SPOCK3: variants seen among roughly 807,000 people sequenced by gnomAD.
The protein encoded by SPOCK3 is SPARC (osteonectin), cwcv and kazal like domains proteoglycan 3, also known as testican-3.
A neutral mutation model predicts 56.6 loss-of-function variants in SPOCK3; 30 were observed. That is an observed-to-expected ratio of 0.53 (90% confidence interval 0.40 to 0.72). SPOCK3 has a LOEUF of 0.72. SPOCK3 is among the 30% of genes least tolerant of loss of function. SPOCK3 has a pLI of 0.00. For synonymous variants in SPOCK3, 196 were observed against 183.3 expected (o/e 1.07, Z -0.56); for missense variants, 527 against 530.0 (o/e 0.99, Z 0.06).
At chr4:167,204,242 A>C (rs1311356021) in intron 2 of SPOCK3, among the ~76,000 whole-genome samples, 1 of 151,748 alleles carries the variant, frequency 6.6e-6, no homozygotes, top group Non-Finnish European at 1.5e-5. Context: ...CTGGATAGAA[A>C]CTCTCTGGAT....
At chr4:167,106,597 A>G (rs1760172979) in intron 2 of SPOCK3, among the ~76,000 whole-genome samples, 1 of 151,790 alleles carries the variant, frequency 6.6e-6, no homozygotes, top group Non-Finnish European at 1.5e-5. Context: ...TATTTAGAAA[A>G]GCAAGAGCAA....
At chr4:166,944,714 T>A (rs908173933) in intron 4 of SPOCK3, among the ~76,000 whole-genome samples, 4 of 150,188 alleles carry the variant, frequency 2.7e-5, no homozygotes, top group Non-Finnish European at 5.9e-5. Flanking sequence ...TTGTCACATC[T>A]TCTTATGTGG....
chr4:166,850,660 G>C (rs573655406), intron 6 of SPOCK3, among the ~76,000 whole-genome samples: 2 of 152,256 alleles, frequency 1.3e-5, no homozygotes, highest in African/African-American at 4.8e-5. Flanking sequence ...CTCGGGAAGC[G>C]CAAGGGGTCA....
intron 7 of SPOCK3, among the ~76,000 whole-genome samples, chr4:166,791,030 A>G (rs1741291689): frequency 6.6e-6 from 1 of 152,178 alleles, no homozygotes; most frequent in South Asian, 2.1e-4. Context: ...TTAACCAATA[A>G]ATCCAGAGAT....
intron 9 of SPOCK3, among the ~76,000 whole-genome samples, chr4:166,739,860 C>T (rs1350755373): frequency 6.6e-6 from 1 of 152,114 alleles, no homozygotes; most frequent in Non-Finnish European, 1.5e-5. Flanking sequence ...CGTAGATTAA[C>T]TTAGTTTAAA....
intron 4 of SPOCK3, among the ~76,000 whole-genome samples, chr4:166,949,635 G>A (rs1462495144): frequency 2.0e-5 from 3 of 152,108 alleles, no homozygotes; most frequent in Non-Finnish European, 2.9e-5. Context: ...GGTATCCACA[G>A]CGGTGTTTGC....
At chr4:166,766,840 C>G (rs1560833071) in intron 7 of SPOCK3, among the ~76,000 whole-genome samples, 1 of 152,128 alleles carries the variant, frequency 6.6e-6, no homozygotes, top group African/African-American at 2.4e-5. Context: ...GGTTGGTACG[C>G]TCTTAATTAT....
At chr4:166,988,002 T>G (rs1176260176) in intron 4 of SPOCK3, among the ~76,000 whole-genome samples, 1 of 152,096 alleles carries the variant, frequency 6.6e-6, no homozygotes, top group Non-Finnish European at 1.5e-5. Flanking sequence ...TATGCTTGCT[T>G]TAAAAAATAT....
chr4:166,963,817 T>C (rs1744413476), intron 4 of SPOCK3, among the ~76,000 whole-genome samples: 1 of 151,944 alleles, frequency 6.6e-6, no homozygotes, highest in South Asian at 2.1e-4. Context: ...TCAGATTTTA[T>C]TTTCTCCTGA....
chr4:167,223,789 A>C (rs147235812), intron 2 of SPOCK3, among the ~76,000 whole-genome samples: 152 of 152,260 alleles, frequency 1.0e-3, no homozygotes, highest in Non-Finnish European at 1.6e-3. Context: ...ATTCCTAAAA[A>C]ATTAAATTAA....
At chr4:167,129,729 A>G (rs1762557365) in intron 2 of SPOCK3, among the ~76,000 whole-genome samples, 1 of 152,218 alleles carries the variant, frequency 6.6e-6, no homozygotes, top group East Asian at 1.9e-4. Flanking sequence ...ACGTAAATTT[A>G]GAAGCTTGTA....
chr4:166,735,993 T>C (rs1017922135), intron 10 of SPOCK3, among the ~76,000 whole-genome samples: 1 of 152,134 alleles, frequency 6.6e-6, no homozygotes, highest in African/African-American at 2.4e-5. Flanking sequence ...CACTGTGTAT[T>C]GACTTTTCAA....
At chr4:166,909,246 A>C (rs1736984371) in intron 5 of SPOCK3, among the ~76,000 whole-genome samples, 1 of 152,066 alleles carries the variant, frequency 6.6e-6, no homozygotes, top group African/African-American at 2.4e-5. Flanking sequence ...GCTTGAACTC[A>C]AATAAAATAA....
chr4:167,002,289 T>C (rs1458422822), intron 3 of SPOCK3, among the ~76,000 whole-genome samples: 2 of 152,152 alleles, frequency 1.3e-5, no homozygotes, highest in African/African-American at 2.4e-5. Flanking sequence ...AGATATAAGC[T>C]ATAATATATA....
chr4:166,894,596 G>C (rs778239584), intron 5 of SPOCK3, among the ~76,000 whole-genome samples: 6 of 152,124 alleles, frequency 3.9e-5, no homozygotes, highest in Non-Finnish European at 5.9e-5. Flanking sequence ...ACTAAGCTGA[G>C]ATGAGGAAGT....
At chr4:166,960,972 A>C (rs941267300) in intron 4 of SPOCK3, among the ~76,000 whole-genome samples, 1 of 152,316 alleles carries the variant, frequency 6.6e-6, no homozygotes, top group East Asian at 1.9e-4. Flanking sequence ...ATTAGAGATG[A>C]CCATTACTGT....
At chr4:166,800,799 T>G (rs1222400947) in intron 6 of SPOCK3, among the ~76,000 whole-genome samples, 2 of 152,156 alleles carry the variant, frequency 1.3e-5, no homozygotes, top group Non-Finnish European at 2.9e-5. Flanking sequence ...AAATATTTAG[T>G]ATAGCCCAAA....
chr4:167,024,857 A>T (rs1050507842), intron 3 of SPOCK3, among the ~76,000 whole-genome samples: 1 of 152,002 alleles, frequency 6.6e-6, no homozygotes, highest in Admixed American at 6.6e-5. Flanking sequence ...AAAATAAAAA[A>T]AAATTTTAAA....
intron 4 of SPOCK3, among the ~76,000 whole-genome samples, chr4:166,973,641 A>G (rs2150078324): frequency 6.6e-6 from 1 of 152,280 alleles, no homozygotes; most frequent in East Asian, 1.9e-4. Context: ...TTAGTATGCA[A>G]TGGAAATGAA....
Sources: allele counts gnomAD v4.1 joint callset (sites outside exome capture counted in the v4.1 genomes callset), GRCh38; gene constraint gnomAD v4.1.1; transcripts MANE v1.5; gene names NCBI Gene and HGNC (gene_info 2026-07-23, HGNC 2026-07-21).